Variants in CNTNAP2 observed in about 807,000 individuals in gnomAD.
CNTNAP2 encodes contactin-associated protein-like 2.
Under a neutral mutation model 155.2 loss-of-function variants are expected in CNTNAP2, and 98 were observed. The observed-to-expected ratio is 0.63, with a 90% CI of 0.54 to 0.75. The LOEUF (loss-of-function observed/expected upper bound fraction) is 0.75, where lower values mean the gene tolerates loss of function less well. CNTNAP2 is among the 30% of genes least tolerant of loss of function. The pLI, the probability that CNTNAP2 is intolerant of heterozygous loss-of-function variation, is 0.00. For missense variants in CNTNAP2, 1,727 were observed against 1,688.1 expected (o/e 1.02, Z -0.40); for synonymous variants, 651 against 631.2 (o/e 1.03, Z -0.47).
intron 1 of CNTNAP2, among the ~76,000 whole-genome samples, chr7:146,222,658 ATT>A (rs11461655): frequency 7.2e-4 from 100 of 138,808 alleles, no homozygotes; most frequent in African/African-American, 1.9e-3. Flanking sequence ...GAAAAGGTAA[ATT>A]TTTTTTTTTT....
Position 147,606,330 on chromosome 7 carries a change from C to T in CNTNAP2, c.1898-32776C>T, listed in dbSNP as rs558988845. ...GATAATTTTGATAGTCACTTTATTG[C>T]CTTCCTGTGAAGTGCTAAGGAACGG... On this transcript the variant is annotated intron_variant, in intron 12 of 23. Transcript: ENST00000361727. 2.1e-3 allele frequency among the ~76,000 whole-genome samples: 322 copies of T among 152,268 alleles called. 6 individuals are homozygous for T. Among genetic ancestry groups the T allele is most frequent in the Middle Eastern group, 0.017 (5 of 294 alleles).
chr7:146,155,403 T>C (rs554029887), intron 1 of CNTNAP2, among the ~76,000 whole-genome samples: 1 of 152,218 alleles, frequency 6.6e-6, no homozygotes, highest in South Asian at 2.1e-4. Flanking sequence ...AACAGTAAAT[T>C]CTAGAAACTG....
chr7:147,173,823 G>A (rs1326659683), intron 8 of CNTNAP2, among the ~76,000 whole-genome samples: 2 of 152,136 alleles, frequency 1.3e-5, no homozygotes, highest in Non-Finnish European at 2.9e-5. Context: ...CTCTGCACAC[G>A]TTGCTGCTAA....
chr7:147,127,726 A>T (rs1801269684), intron 6 of CNTNAP2, among the ~76,000 whole-genome samples: 1 of 152,108 alleles, frequency 6.6e-6, no homozygotes, highest in South Asian at 2.1e-4. Flanking sequence ...TCTCATTGAA[A>T]ATAAAGTGGT....
intron 1 of CNTNAP2, among the ~76,000 whole-genome samples, chr7:146,363,044 C>T (rs1459288416): frequency 6.6e-6 from 1 of 151,026 alleles, no homozygotes. Context: ...GCTGGGATTA[C>T]AGGTGTGAGC....
intron 3 of CNTNAP2, among the ~76,000 whole-genome samples, chr7:146,866,086 A>G (rs1338949594): frequency 6.6e-6 from 1 of 152,006 alleles, no homozygotes; most frequent in African/African-American, 2.4e-5. Flanking sequence ...TGTTTTACCT[A>G]CTGAATTCAG....
chr7:146,640,643 A>G (rs1340160134), intron 1 of CNTNAP2, among the ~76,000 whole-genome samples: 1 of 152,288 alleles, frequency 6.6e-6, no homozygotes, highest in South Asian at 2.1e-4. Context: ...TTTTTGGCGA[A>G]GGTTATCCGT....
At chr7:147,522,368 A>G (rs1431270050) in intron 11 of CNTNAP2, among the ~76,000 whole-genome samples, 1 of 152,224 alleles carries the variant, frequency 6.6e-6, no homozygotes. Context: ...CCTTCCACCA[A>G]TATTTTCAAT....
intron 3 of CNTNAP2, among the ~76,000 whole-genome samples, chr7:146,981,476 G>A (rs940007537): frequency 3.9e-5 from 6 of 152,094 alleles, no homozygotes; most frequent in Non-Finnish European, 8.8e-5. Flanking sequence ...GCTGCTGATT[G>A]GATTGAACTA....
chr7:148,373,515 A>G (rs1467153211), intron 21 of CNTNAP2, among the ~76,000 whole-genome samples: 3 of 152,230 alleles, frequency 2.0e-5, no homozygotes, highest in Admixed American at 2.0e-4. Flanking sequence ...GCACATTATG[A>G]TAAATGCCAG....
intron 1 of CNTNAP2, among the ~76,000 whole-genome samples, chr7:146,761,698 C>T (rs554403402): frequency 4.3e-4 from 66 of 151,728 alleles, no homozygotes; most frequent in Non-Finnish European, 8.5e-4. Flanking sequence ...GTCCTTACCC[C>T]TTCAGGCAGA....
chr7:147,703,193 T>G (rs1001793518), intron 13 of CNTNAP2, among the ~76,000 whole-genome samples: 3 of 152,088 alleles, frequency 2.0e-5, no homozygotes, highest in Admixed American at 1.3e-4. Context: ...GAAGACGATT[T>G]GCTTCTTAAT....
chr7:146,460,634 A>G (rs1796622796), intron 1 of CNTNAP2, among the ~76,000 whole-genome samples: 1 of 152,236 alleles, frequency 6.6e-6, no homozygotes, highest in African/African-American at 2.4e-5. Context: ...ATGAAATACT[A>G]TGCAACCTTT....
chr7:146,352,003 A>G (rs937132716), intron 1 of CNTNAP2, among the ~76,000 whole-genome samples: 26 of 152,220 alleles, frequency 1.7e-4, no homozygotes, highest in African/African-American at 2.4e-4. Flanking sequence ...TAGACATTAC[A>G]TACAGAGGAA....
At chr7:147,334,393 T>C (rs1795629464) in intron 9 of CNTNAP2, among the ~76,000 whole-genome samples, 1 of 152,240 alleles carries the variant, frequency 6.6e-6, no homozygotes. Context: ...CTGTTGACTG[T>C]AGTTCTTCCC....
At chr7:147,107,794 A>G (rs1029763844) in intron 4 of CNTNAP2, among the ~76,000 whole-genome samples, 1 of 152,172 alleles carries the variant, frequency 6.6e-6, no homozygotes, top group African/African-American at 2.4e-5. Flanking sequence ...TCAAACATTT[A>G]AGTCTCATAA....
chr7:146,779,863 TTAA>T (rs1296633966), intron 2 of CNTNAP2, among the ~76,000 whole-genome samples: 1 of 152,214 alleles, frequency 6.6e-6, no homozygotes, highest in African/African-American at 2.4e-5. Flanking sequence ...GGTCACATAA[TTAA>T]TAATCACTTA....
chr7:147,230,186 A>T (rs1409350834), intron 8 of CNTNAP2, among the ~76,000 whole-genome samples: 2 of 152,112 alleles, frequency 1.3e-5, no homozygotes, highest in Admixed American at 6.6e-5. Flanking sequence ...CCAAGATCTC[A>T]GGAGGATTTA....
chr7:148,114,946 G>C (rs987114144), intron 15 of CNTNAP2, among the ~76,000 whole-genome samples: 4 of 152,170 alleles, frequency 2.6e-5, no homozygotes, highest in Admixed American at 1.3e-4. Context: ...ATCCAGAGTG[G>C]AGTCCTCCCT....
Sources: gnomAD v4.1 joint callset for allele counts (sites outside exome capture counted in the v4.1 genomes callset) on GRCh38, gnomAD v4.1.1 for gene constraint, MANE v1.5 for transcripts, NCBI Gene and HGNC (gene_info 2026-07-23, HGNC 2026-07-21) for gene names.